Variants in PNOC observed in about 807,000 individuals in gnomAD.
PNOC encodes the protein nociceptin.
PNOC carries 10 observed loss-of-function variants against 15.6 expected under a neutral mutation model. The observed-to-expected ratio is 0.64, with a 90% CI of 0.40 to 1.09. The LOEUF (loss-of-function observed/expected upper bound fraction) is 1.09, where lower values mean the gene tolerates loss of function less well. Among genes scored for constraint, PNOC ranks in the 50% least tolerant of loss-of-function variants. The pLI is 0.01. For missense variants in PNOC, 220 were observed against 223.9 expected (o/e 0.98, Z 0.11); for synonymous variants, 98 against 88.5 (o/e 1.11, Z -0.60).
chr8:28,341,753 T>C (rs1272153951), intron 3 of PNOC, among the ~76,000 whole-genome samples: 2 of 152,196 alleles, frequency 1.3e-5, no homozygotes, highest in Non-Finnish European at 2.9e-5. Context: ...ACCAGCTCAT[T>C]TGGGTATTAT....
At chr8:28,340,125 G>A (rs79335762) in intron 3 of PNOC, 11,743 of 152,256 alleles carry the variant, frequency 0.077, 518 homozygotes, top group African/African-American at 0.096. Context: ...CTGATTCCTT[G>A]TGGTCAACGG....
chr8:28,323,063 G>A (rs1035692319), intron 1 of PNOC, among the ~76,000 whole-genome samples: 5 of 152,184 alleles, frequency 3.3e-5, no homozygotes, highest in African/African-American at 4.8e-5. Flanking sequence ...ACAGGACTTC[G>A]AATAGGTCAT....
rs200641227 is a variant in PNOC, at chr8:28,330,391, A to ATTTTTT, written c.126+1112_126+1113insTTTTTT. 3.5e-3 allele frequency among the ~76,000 whole-genome samples: 265 copies of ATTTTTT among 76,066 alleles called. 3 individuals carry two copies. Among genetic ancestry groups the ATTTTTT allele is most frequent in the Non-Finnish European group, 5.2e-3 (181 of 34,500 alleles). The allele number at this position is 76,066 out of a possible 152,430, so 49.9% of individuals were successfully genotyped here. On this transcript the variant is annotated intron_variant, in intron 2 of 3. Transcript: ENST00000301908. The stretch of plus-strand genomic sequence containing the variant: ...ATTTTATTTTATTTTATTTTATTTT[A>ATTTTTT]TTTTATTTTTTTTTTTTTTTTGAGA...
intron 2 of PNOC, among the ~76,000 whole-genome samples, chr8:28,336,069 C>A (rs1801407204): frequency 1.3e-5 from 2 of 152,196 alleles, no homozygotes; most frequent in African/African-American, 4.8e-5. Context: ...CTGGTTGCAA[C>A]TAGCTGCGAC....
At chr8:28,341,450 T>G (rs1291629769) in intron 3 of PNOC, among the ~76,000 whole-genome samples, 2 of 152,236 alleles carry the variant, frequency 1.3e-5, no homozygotes, top group African/African-American at 2.4e-5. Context: ...ATGGGTTGAA[T>G]TCTTTCAAAT....
intron 2 of PNOC, among the ~76,000 whole-genome samples, chr8:28,332,547 G>C (rs1327990456): frequency 6.6e-6 from 1 of 152,136 alleles, no homozygotes; most frequent in Non-Finnish European, 1.5e-5. Context: ...ATTGTGAATG[G>C]TACTTACTTC....
At chr8:28,323,346 C>T (rs1801176910) in intron 1 of PNOC, among the ~76,000 whole-genome samples, 1 of 152,172 alleles carries the variant, frequency 6.6e-6, no homozygotes, top group Non-Finnish European at 1.5e-5. Context: ...CTGAGCTTGG[C>T]TCACGAAGTG....
At chr8:28,319,361 C>T (rs1801110504) in intron 1 of PNOC, among the ~76,000 whole-genome samples, 1 of 152,010 alleles carries the variant, frequency 6.6e-6, no homozygotes, top group African/African-American at 2.4e-5. Flanking sequence ...TAATTCAGTC[C>T]TAAATCACAT....
intron 2 of PNOC, among the ~76,000 whole-genome samples, chr8:28,330,401 T>TTTTTTTTTTTTTTTTA (rs1585833628): frequency 7.2e-5 from 3 of 41,676 alleles, no homozygotes; most frequent in Non-Finnish European, 2.1e-4. Context: ...ATTTTATTTT[T>TTTTTTTTTTTTTTTTA]TTTTTTTTTT....
At chr8:28,336,286 A>C (rs1028412426) in intron 2 of PNOC, among the ~76,000 whole-genome samples, 11 of 152,248 alleles carry the variant, frequency 7.2e-5, no homozygotes, top group Admixed American at 3.3e-4. Flanking sequence ...CCGCCTTAGA[A>C]GGTATTGCAA....
rs914570340 is a variant in PNOC at position 28,339,373 on chromosome 8, A to C, written c.460A>C (p.Arg154=). The part of the protein sequence containing the change: ...ANQKRFSEFM[R]QYLVLSMQSS... Reference sequence around the variant, plus strand: ...TCAGAAGCGGTTCAGTGAGTTTATGAGGCAATACTTGGTCCTGAGCATGCA... The same window carrying C: ...TCAGAAGCGGTTCAGTGAGTTTATGCGGCAATACTTGGTCCTGAGCATGCA... Residue 154 remains arginine (R), a synonymous_variant, in exon 3 of 4, where the codon AGG becomes CGG. Coordinates refer to ENST00000301908, the MANE Select transcript of PNOC (RefSeq NM_006228.5). 1.3e-5 allele frequency: 20 copies of C among 1,598,136 alleles called. No individual in the cohort carries two copies. The highest frequency in any genetic ancestry group is 1.6e-5 in the Non-Finnish European group (19 of 1,169,928).
chr8:28,337,920 T>G (rs1801441345), intron 2 of PNOC, among the ~76,000 whole-genome samples: 1 of 152,206 alleles, frequency 6.6e-6, no homozygotes, highest in Non-Finnish European at 1.5e-5. Flanking sequence ...CGTCAGCTAC[T>G]TATGGCTCCA....
chr8:28,339,865 A>G (rs970296162), intron 3 of PNOC: 17 of 159,338 alleles, frequency 1.1e-4, no homozygotes, highest in South Asian at 4.0e-4. Flanking sequence ...CTAAACACCA[A>G]GAGTGGGACC....
chr8:28,329,092 C>A (rs1357942290), intron 1 of PNOC, 43 bp from the exon 2 acceptor site: 6 of 1,596,910 alleles, frequency 3.8e-6, no homozygotes, highest in Middle Eastern at 1.7e-4. Flanking sequence ...AGCAGCCCTC[C>A]GAGAATGGCT....
chr8:28,322,930 T>C (rs1229750736), intron 1 of PNOC, among the ~76,000 whole-genome samples: 1 of 152,234 alleles, frequency 6.6e-6, no homozygotes, highest in Non-Finnish European at 1.5e-5. Flanking sequence ...GTATAATATA[T>C]GAATATAAAA....
intron 2 of PNOC, among the ~76,000 whole-genome samples, chr8:28,334,772 G>A (rs751991297): frequency 5.9e-5 from 9 of 152,152 alleles, no homozygotes; most frequent in Non-Finnish European, 1.2e-4. Flanking sequence ...GGGATTATAG[G>A]CGGGAGCCAC....
intron 3 of PNOC, among the ~76,000 whole-genome samples, chr8:28,341,163 T>A (rs116796853): frequency 3.5e-4 from 53 of 152,340 alleles, no homozygotes; most frequent in African/African-American, 1.2e-3. Flanking sequence ...TTAGTACATA[T>A]GCTAATGTTT....
intron 2 of PNOC, among the ~76,000 whole-genome samples, chr8:28,336,918 G>C (rs1396900321): frequency 2.0e-5 from 3 of 151,908 alleles, no homozygotes; most frequent in Admixed American, 6.6e-5. Flanking sequence ...GAGTCAACTG[G>C]GGAGTGAGGT....
rs1467292215 is a variant in PNOC, at chr8:28,326,458, G to A, written c.-23-2677G>A. 9.8e-5 allele frequency among the ~76,000 whole-genome samples: 15 copies of A among 152,296 alleles called. No homozygotes were observed. In the East Asian group the frequency reaches 2.7e-3, roughly 27 times the overall value. ...TTGATGACGCACAAGAAGAACTGGG[G>A]TGGGCTCAGCTGCAGGTCCCTCCTT... On this transcript the variant is annotated intron_variant, in intron 1 of 3. Transcript: ENST00000301908.
Sources: allele counts gnomAD v4.1 joint callset (sites outside exome capture counted in the v4.1 genomes callset), GRCh38; gene constraint gnomAD v4.1.1; transcripts MANE v1.5; gene names NCBI Gene and HGNC (gene_info 2026-07-23, HGNC 2026-07-21).